The following AVEN variants were observed in gnomAD, a reference collection of about 807,000 sequenced individuals.
AVEN encodes the protein cell death regulator Aven.
In AVEN, 41 loss-of-function variants were observed where a neutral mutation model predicts 38.1. The observed-to-expected ratio is 1.08, with a 90% confidence interval of 0.84 to 1.40. The LOEUF is 1.40. AVEN is among the 40% of genes most tolerant of loss of function. The pLI, the probability that AVEN is intolerant of heterozygous loss-of-function variation, is 0.00. For synonymous variants in AVEN, 206 were observed against 171.8 expected (o/e 1.20, Z -1.56); for missense variants, 605 against 438.8 (o/e 1.38, Z -3.38).
chr15:33,902,554 T>C (rs985673178), intron 2 of AVEN, among the ~76,000 whole-genome samples: 3 of 152,186 alleles, frequency 2.0e-5, no homozygotes, highest in Admixed American at 1.3e-4. Flanking sequence ...CTATTCAACA[T>C]AGTACTGGAA....
intron 1 of AVEN, among the ~76,000 whole-genome samples, chr15:34,073,316 A>G (rs1226611554): frequency 2.7e-5 from 4 of 150,358 alleles, no homozygotes; most frequent in Middle Eastern, 3.4e-3. Flanking sequence ...CGGCCTCCCA[A>G]AGTGCTGGGA....
At chr15:34,009,806 T>C (rs1567464701) in intron 1 of AVEN, among the ~76,000 whole-genome samples, 2 of 151,900 alleles carry the variant, frequency 1.3e-5, no homozygotes, top group African/African-American at 4.8e-5. Context: ...CTGAGCAACA[T>C]AGAGAGCATT....
Position 33,866,620 on chromosome 15 carries a change from A to ATCATGC in AVEN, c.1076_1081dup (p.Ser359_Met360dup). On this transcript the variant is annotated inframe_insertion, in exon 6 of 6. Transcript: ENST00000306730. Reference sequence around the variant, plus strand: ...GCACTTTTTTTCCCCTTTTTAGGAAATCATGCTGTCCAACCAGTCTTCCAG... The same window carrying ATCATGC: ...GCACTTTTTTTCCCCTTTTTAGGAAATCATGCTCATGCTGTCCAACCAGTCTTCCAG... 1.9e-6 allele frequency: 3 copies of ATCATGC among 1,613,364 alleles called. No homozygotes were observed. Among genetic ancestry groups the ATCATGC allele is most frequent in the Non-Finnish European group, 2.5e-6 (3 of 1,179,480 alleles).
At chr15:33,936,197 G>A (rs1287660356) in intron 2 of AVEN, among the ~76,000 whole-genome samples, 2 of 150,888 alleles carry the variant, frequency 1.3e-5, no homozygotes, top group African/African-American at 4.8e-5. Flanking sequence ...ATGCAAAATC[G>A]ATAAGAAAAA....
intron 2 of AVEN, among the ~76,000 whole-genome samples, chr15:33,964,208 T>A (rs901971887): frequency 6.6e-6 from 1 of 151,992 alleles, no homozygotes; most frequent in African/African-American, 2.4e-5. Flanking sequence ...GTACCCAATC[T>A]CCCCCCGAAC....
chr15:33,966,929 T>C (rs1895409508), intron 2 of AVEN, among the ~76,000 whole-genome samples: 1 of 152,156 alleles, frequency 6.6e-6, no homozygotes, highest in South Asian at 2.1e-4. Context: ...CCCCATTTGA[T>C]AGATTTTTAC....
chr15:33,964,700 C>T (rs1377879009), intron 2 of AVEN, among the ~76,000 whole-genome samples: 1 of 151,956 alleles, frequency 6.6e-6, no homozygotes, highest in Non-Finnish European at 1.5e-5. Context: ...ATTTGAGAGG[C>T]CATAATACAA....
chr15:33,873,553 A>G (rs1891092635), intron 3 of AVEN, among the ~76,000 whole-genome samples: 1 of 148,108 alleles, frequency 6.8e-6, no homozygotes, highest in South Asian at 2.1e-4. Flanking sequence ...CACTCAATAT[A>G]TAATATACGT....
chr15:34,039,284 G>T (rs1286129296), upstream of AVEN: 3 of 177,466 alleles, frequency 1.7e-5, no homozygotes, highest in Non-Finnish European at 3.4e-5. Context: ...ACCGCTGGGA[G>T]CTGGAAGTGG....
At chr15:33,868,958 C>T (rs1420612111) in intron 4 of AVEN, among the ~76,000 whole-genome samples, 1 of 152,178 alleles carries the variant, frequency 6.6e-6, no homozygotes, top group Admixed American at 6.5e-5. Flanking sequence ...TGAGAATCAC[C>T]GCTCTCGAGG....
intron 2 of AVEN, among the ~76,000 whole-genome samples, chr15:33,942,759 T>C (rs1894366828): frequency 1.3e-5 from 2 of 152,176 alleles, no homozygotes; most frequent in Non-Finnish European, 2.9e-5. Flanking sequence ...CCAAAGTTTT[T>C]TTATCTCTAT....
chr15:33,931,581 A>T (rs1442380716), intron 2 of AVEN, among the ~76,000 whole-genome samples: 1 of 151,942 alleles, frequency 6.6e-6, no homozygotes, highest in Non-Finnish European at 1.5e-5. Flanking sequence ...TGTGTTAGCC[A>T]GGATGGTCTT....
At chr15:33,940,287 G>A (rs1894263141) in intron 2 of AVEN, among the ~76,000 whole-genome samples, 1 of 152,144 alleles carries the variant, frequency 6.6e-6, no homozygotes, top group Non-Finnish European at 1.5e-5. Flanking sequence ...AATCATTAAG[G>A]CAGCTATTAA....
chr15:34,067,534 C>T (rs1041418567), intron 2 of AVEN: 1 of 152,168 alleles, frequency 6.6e-6, no homozygotes, highest in African/African-American at 2.4e-5. Flanking sequence ...TATTGGGTTT[C>T]CCACACACCT....
intron 2 of AVEN, among the ~76,000 whole-genome samples, chr15:33,904,710 T>TACACACACACACACAC (rs1369829949): frequency 0.011 from 1,339 of 121,064 alleles, 15 homozygotes; most frequent in Middle Eastern, 0.033. Flanking sequence ...TATATATATA[T>TACACACACACACACAC]ATATATACAC....
chr15:33,930,003 A>C (rs111627312), intron 2 of AVEN, among the ~76,000 whole-genome samples: 1 of 152,236 alleles, frequency 6.6e-6, no homozygotes, highest in East Asian at 1.9e-4. Flanking sequence ...TCCTTTCTTC[A>C]TAAGTGCTAC....
intron 3 of AVEN, among the ~76,000 whole-genome samples, chr15:33,873,935 G>A (rs866508312): frequency 9.9e-5 from 15 of 150,808 alleles, no homozygotes; most frequent in Middle Eastern, 6.8e-3. Flanking sequence ...CCTGTCCCAC[G>A]CTCACTGCCT....
intron 1 of AVEN, among the ~76,000 whole-genome samples, chr15:34,004,035 C>G (rs1379951877): frequency 6.6e-6 from 1 of 152,222 alleles, no homozygotes; most frequent in Non-Finnish European, 1.5e-5. Flanking sequence ...TCTTAGCACT[C>G]TCCAGGCTCA....
At chr15:34,069,448 C>A (rs1900587896) in intron 2 of AVEN, among the ~76,000 whole-genome samples, 1 of 152,140 alleles carries the variant, frequency 6.6e-6, no homozygotes, top group Non-Finnish European at 1.5e-5. Context: ...AAGACTTCAT[C>A]TCTAAAAATA....
Sources: gnomAD v4.1 joint callset for allele counts (sites outside exome capture counted in the v4.1 genomes callset) on GRCh38, gnomAD v4.1.1 for gene constraint, MANE v1.5 for transcripts, NCBI Gene and HGNC (gene_info 2026-07-23, HGNC 2026-07-21) for gene names.